The following SLC9C1 variants were observed in gnomAD, a reference collection of about 807,000 sequenced individuals.
SLC9C1 encodes solute carrier family 9 member C1, also known as sodium/hydrogen exchanger 10.
In SLC9C1, 97 loss-of-function variants were observed where a neutral mutation model predicts 140.9. The ratio of observed to expected loss-of-function variants is 0.69; its 90% confidence interval spans 0.58 to 0.82. The LOEUF is 0.82. Among genes scored for constraint, SLC9C1 ranks in the 40% least tolerant of loss-of-function variants. SLC9C1 has a pLI of 0.00. For synonymous variants in SLC9C1, 440 were observed against 442.6 expected (o/e 0.99, Z 0.07); for missense variants, 1,340 against 1,389.3 (o/e 0.96, Z 0.56).
intron 1 of SLC9C1, among the ~76,000 whole-genome samples, chr3:112,287,819 G>A (rs1448813088): frequency 1.3e-5 from 2 of 151,978 alleles, no homozygotes; most frequent in East Asian, 1.9e-4. Flanking sequence ...AGGCCGAGGC[G>A]GGTGGGTCAC....
At chr3:112,250,483 A>T (rs4569631) in intron 10 of SLC9C1, among the ~76,000 whole-genome samples, 1 of 135,096 alleles carries the variant, frequency 7.4e-6, no homozygotes. Flanking sequence ...CTGAGGAATC[A>T]CCACACTGAC....
chr3:112,160,171 T>C (rs905242976), intron 26 of SLC9C1, among the ~76,000 whole-genome samples: 1 of 151,636 alleles, frequency 6.6e-6, no homozygotes, highest in African/African-American at 2.4e-5. Context: ...TCTTCCATTG[T>C]GTTTAGTTAT....
intron 9 of SLC9C1, 34 bp downstream of exon 9, chr3:112,264,166 T>A (rs1168659555): frequency 3.2e-6 from 3 of 932,664 alleles, no homozygotes; most frequent in Non-Finnish European, 4.3e-6. Context: ...TACTCAATTA[T>A]CTATAAATAG....
intron 17 of SLC9C1, among the ~76,000 whole-genome samples, chr3:112,203,539 TA>T (rs1236592725): frequency 1.4e-5 from 2 of 139,910 alleles, no homozygotes; most frequent in Non-Finnish European, 3.1e-5. Context: ...CTATTAGTTT[TA>T]TCTCCATACA....
rs386397631 is a variant in SLC9C1 at position 112,283,843 on chromosome 3, C to CAAAAAA, written c.88+2855_88+2860dup. ...GCTCTTTAGTCCACAAATCACTGTG[C>CAAAAAA]AAAAAAAAAAAAAAAAAGATGGGCA... On this transcript the variant is annotated intron_variant, in intron 2 of 28. Transcript: ENST00000305815. Among the ~76,000 whole-genome samples the CAAAAAA allele has an allele frequency of 3.3e-4, 37 of 111,814 alleles. 1 individual carries two copies. The highest frequency in any genetic ancestry group is 7.4e-4 in the East Asian group (3 of 4,068). The allele number at this position is 111,814 out of a possible 152,430, so 73.4% of individuals were successfully genotyped here. A position where few individuals can be genotyped will look rare whatever the true frequency, so the allele number is the denominator to read the frequency against.
chr3:112,244,685 T>G (rs2079231028), intron 10 of SLC9C1, among the ~76,000 whole-genome samples: 1 of 152,172 alleles, frequency 6.6e-6, no homozygotes, highest in African/African-American at 2.4e-5. Flanking sequence ...CTAACACTTT[T>G]CAATCTGAGG....
chr3:112,169,077 A>G lies in SLC9C1; in HGVS notation c.3052-15T>C, dbSNP rs765897852. ...TAGTTCCAATCCTGTTTTAGAAAAC[A>G]CAATTTCAGTCTATTATTAGTCTAT... On this transcript the variant is annotated splice_polypyrimidine_tract_variant and intron_variant, in intron 24 of 28. Transcript: ENST00000305815. The G allele has an allele frequency of 6.3e-7, 1 of 1,577,464 alleles. No homozygotes were observed. Among genetic ancestry groups the G allele is most frequent in the Non-Finnish European group, 8.6e-7 (1 of 1,165,526 alleles).
intron 20 of SLC9C1, chr3:112,185,723 G>A (rs1412670198): frequency 2.6e-6 from 4 of 1,538,782 alleles, no homozygotes; most frequent in Non-Finnish European, 2.6e-6. Flanking sequence ...CGGACACGGC[G>A]GCCTTGCTGA....
intron 27 of SLC9C1, among the ~76,000 whole-genome samples, chr3:112,152,771 C>T (rs1179356620): frequency 6.6e-6 from 1 of 152,152 alleles, no homozygotes; most frequent in Admixed American, 6.5e-5. Flanking sequence ...AAGCATACTG[C>T]CTGCAAACAC....
At chr3:112,194,114 C>T (rs1157939498) in intron 20 of SLC9C1, among the ~76,000 whole-genome samples, 1 of 152,106 alleles carries the variant, frequency 6.6e-6, no homozygotes, top group African/African-American at 2.4e-5. Context: ...GGGGCGTGCA[C>T]ACCTTATGAT....
At chr3:112,204,798 T>C (rs2078000331) in intron 16 of SLC9C1, among the ~76,000 whole-genome samples, 2 of 152,088 alleles carry the variant, frequency 1.3e-5, no homozygotes, top group Non-Finnish European at 2.9e-5. Context: ...TTATAATTTA[T>C]ATCCAAAATG....
At chr3:112,208,436 C>T in intron 15 of SLC9C1, 63 bp from the exon 16 acceptor site, 7 of 1,172,602 alleles carry the variant, frequency 6.0e-6, no homozygotes, top group Non-Finnish European at 8.3e-6. Flanking sequence ...TTCATATATA[C>T]TCATTTCTGT....
intron 3 of SLC9C1, among the ~76,000 whole-genome samples, 174 bp downstream of exon 3, chr3:112,280,509 T>C (rs2080329385): frequency 6.6e-6 from 1 of 152,204 alleles, no homozygotes; most frequent in Non-Finnish European, 1.5e-5. Context: ...ATCTCAGCTT[T>C]TGCAGGCCTG....
At chr3:112,272,788 T>C (rs1338026757) in intron 6 of SLC9C1, among the ~76,000 whole-genome samples, 3 of 152,176 alleles carry the variant, frequency 2.0e-5, no homozygotes, top group Admixed American at 6.6e-5. Context: ...GCAAGCTCTA[T>C]GGAGGCAAGG....
intron 15 of SLC9C1, among the ~76,000 whole-genome samples, chr3:112,209,505 T>C (rs1344127818): frequency 2.1e-5 from 2 of 93,434 alleles, no homozygotes; most frequent in African/African-American, 7.7e-5. Flanking sequence ...TTCTTTCCCT[T>C]GAATCTAAGA....
At chr3:112,234,749 T>G (rs2078935902) in intron 12 of SLC9C1, among the ~76,000 whole-genome samples, 1 of 152,176 alleles carries the variant, frequency 6.6e-6, no homozygotes, top group Non-Finnish European at 1.5e-5. Context: ...TTTCTCCATT[T>G]CTTGTTTTTG....
chr3:112,251,483 C>T (rs6780137), intron 10 of SLC9C1, among the ~76,000 whole-genome samples: 44,890 of 151,982 alleles, frequency 0.3, 6,816 homozygotes, highest in East Asian at 0.36. Flanking sequence ...CTTGGGGTTC[C>T]CAGCAAAAGT....
intron 13 of SLC9C1, among the ~76,000 whole-genome samples, chr3:112,226,573 T>G (rs1363070227): frequency 1.3e-5 from 2 of 151,506 alleles, no homozygotes; most frequent in Non-Finnish European, 2.9e-5. Context: ...ATTACAAAAA[T>G]TAGCCAGGTG....
intron 6 of SLC9C1, among the ~76,000 whole-genome samples, chr3:112,272,682 CTAT>C (rs1429721183): frequency 2.0e-5 from 3 of 152,124 alleles, no homozygotes; most frequent in Admixed American, 6.6e-5. Context: ...GAAGTCATTA[CTAT>C]TATTATTTTA....
Sources: gnomAD v4.1 joint callset for allele counts (sites outside exome capture counted in the v4.1 genomes callset) on GRCh38, gnomAD v4.1.1 for gene constraint, MANE v1.5 for transcripts, NCBI Gene and HGNC (gene_info 2026-07-23, HGNC 2026-07-21) for gene names.